SULF1: variants seen among roughly 807,000 people sequenced by gnomAD.
SULF1 encodes the protein sulfatase 1, also known as extracellular sulfatase Sulf-1.
In SULF1, 46 loss-of-function variants were observed where a neutral mutation model predicts 110.5. That is an observed-to-expected ratio of 0.42 (90% CI 0.33 to 0.53). SULF1 has a LOEUF of 0.53. Among genes scored for constraint, SULF1 ranks in the 20% least tolerant of loss-of-function variants. The pLI is 0.12. For synonymous variants in SULF1, 371 were observed against 387.1 expected (o/e 0.96, Z 0.49); for missense variants, 941 against 1,094.2 (o/e 0.86, Z 1.98).
chr8:69,478,366 G>A (rs1053139685), intron 1 of SULF1, among the ~76,000 whole-genome samples: 2 of 151,998 alleles, frequency 1.3e-5, no homozygotes, highest in African/African-American at 4.8e-5. Flanking sequence ...CCAATTTTCT[G>A]CAGCATCCAG....
chr8:69,642,466 C>G, intron 22 of SULF1: 1 of 900,090 alleles, frequency 1.1e-6, no homozygotes, highest in Non-Finnish European at 1.3e-6. Context: ...CTGCCCCACA[C>G]CAACCCTGTG....
At chr8:69,640,436 G>A (rs1050240201) in intron 21 of SULF1, among the ~76,000 whole-genome samples, 1 of 152,176 alleles carries the variant, frequency 6.6e-6, no homozygotes, top group African/African-American at 2.4e-5. Flanking sequence ...ATTCCTATGG[G>A]AGATGATTAT....
intron 21 of SULF1, 109 bp downstream of exon 21, chr8:69,638,967 C>A: frequency 1.8e-6 from 2 of 1,117,644 alleles, no homozygotes; most frequent in Non-Finnish European, 2.5e-6. Flanking sequence ...ATTCAAGATA[C>A]TTAGAGGAGA....
intron 3 of SULF1, among the ~76,000 whole-genome samples, chr8:69,532,669 A>G (rs999891196): frequency 9.2e-5 from 14 of 152,220 alleles, no homozygotes; most frequent in Non-Finnish European, 1.9e-4. Context: ...CATATAATAG[A>G]TTTGTTACTA....
At chr8:69,593,037 A>G (rs4737996) in intron 8 of SULF1, 639,447 of 868,104 alleles carry the variant, frequency 0.74, 236,548 homozygotes, top group South Asian at 0.85. Flanking sequence ...AATTCATGTG[A>G]TTGTTTGAAG....
At chr8:69,536,392 A>G (rs16936031) in intron 3 of SULF1, among the ~76,000 whole-genome samples, 16,122 of 152,216 alleles carry the variant, frequency 0.11, 1,594 homozygotes, top group East Asian at 0.41. Context: ...TTTTGTGTAA[A>G]CTCCATGATC....
At chr8:69,472,249 G>A (rs1434585377) in intron 1 of SULF1, among the ~76,000 whole-genome samples, 1 of 152,194 alleles carries the variant, frequency 6.6e-6, no homozygotes, top group Non-Finnish European at 1.5e-5. Flanking sequence ...AGGGTCATGT[G>A]CTTCCCTTCT....
intron 3 of SULF1, among the ~76,000 whole-genome samples, chr8:69,512,094 A>G (rs891650469): frequency 2.0e-4 from 31 of 152,178 alleles, no homozygotes; most frequent in African/African-American, 7.2e-4. Flanking sequence ...TGTGTTTTAT[A>G]TTTTTGAAAA....
chr8:69,624,228 G>A (rs1277224557), intron 15 of SULF1, 31 bp downstream of exon 15: 1 of 1,536,066 alleles, frequency 6.5e-7, no homozygotes, highest in African/African-American at 1.4e-5. Context: ...CACTAGGGTT[G>A]AGTTCAGAAT....
At chr8:69,617,160 A>G (rs190574929) in intron 13 of SULF1, among the ~76,000 whole-genome samples, 8 of 151,812 alleles carry the variant, frequency 5.3e-5, no homozygotes, top group African/African-American at 1.9e-4. Flanking sequence ...AATTCTATAT[A>G]GCATATAGTT....
At chr8:69,587,991 CTGATA>C (rs1806593640) in intron 7 of SULF1, among the ~76,000 whole-genome samples, 1 of 152,218 alleles carries the variant, frequency 6.6e-6, no homozygotes, top group Non-Finnish European at 1.5e-5. Context: ...CACCATCCCT[CTGATA>C]CTGCTTTTGC....
intron 3 of SULF1, among the ~76,000 whole-genome samples, chr8:69,534,395 C>T (rs1813299003): frequency 6.6e-6 from 1 of 152,158 alleles, no homozygotes; most frequent in Non-Finnish European, 1.5e-5. Flanking sequence ...TTAGTATTAA[C>T]TCCGTCTTTA....
chr8:69,483,833 A>T lies in SULF1; in HGVS notation c.-390-11932A>T, dbSNP rs911060884. 3.3e-5 allele frequency among the ~76,000 whole-genome samples: 5 copies of T among 152,326 alleles called. No homozygotes were observed. In the South Asian group the frequency reaches 6.2e-4, roughly 19 times the overall value. On this transcript the variant is annotated intron_variant, in intron 1 of 22. Transcript: ENST00000260128. ...AAACATTCTCTTAAAGAACAAAACAAAATGACTGAGAAAGATGTCTGTTTT... is the reference window on the plus strand; with the variant it reads ...AAACATTCTCTTAAAGAACAAAACATAATGACTGAGAAAGATGTCTGTTTT...
chr8:69,532,680 A>G (rs1010276208), intron 3 of SULF1, among the ~76,000 whole-genome samples: 1 of 152,214 alleles, frequency 6.6e-6, no homozygotes, highest in Non-Finnish European at 1.5e-5. Context: ...TTTGTTACTA[A>G]TTAGAATCAG....
chr8:69,498,258 G>C lies in SULF1; in HGVS notation c.-229+2332G>C, dbSNP rs531910058. On this transcript the variant is annotated intron_variant, in intron 2 of 22. Coordinates refer to ENST00000402687, the MANE Select transcript of SULF1 (RefSeq NM_001128205.2). ...GCAATGATCCACAGCTAGGCCACTG[G>C]CTTCCTGGTCCTTTCAAGTTTGTGT... Among the ~76,000 whole-genome samples the C allele has an allele frequency of 2.6e-5, 4 of 152,238 alleles. No individual in the cohort carries two copies. The South Asian group carries it at 8.3e-4, about 32-fold the overall frequency.
intron 3 of SULF1, among the ~76,000 whole-genome samples, chr8:69,513,308 ACTCC>A (rs1243820125): frequency 1.3e-5 from 2 of 152,150 alleles, no homozygotes; most frequent in East Asian, 3.9e-4. Flanking sequence ...TATCTAAAAG[ACTCC>A]TGTGGAAATA....
intron 22 of SULF1, among the ~76,000 whole-genome samples, chr8:69,656,726 T>C (rs1812763686): frequency 6.6e-6 from 1 of 152,236 alleles, no homozygotes; most frequent in Non-Finnish European, 1.5e-5. Flanking sequence ...CTATCATTGA[T>C]GGGCATTTGG....
At chr8:69,521,819 G>A (rs1376432639) in intron 3 of SULF1, among the ~76,000 whole-genome samples, 2 of 150,766 alleles carry the variant, frequency 1.3e-5, no homozygotes, top group Non-Finnish European at 2.9e-5. Flanking sequence ...CATGTTGTGG[G>A]TAGATGATAG....
At chr8:69,574,522 ATTCACATTG>A (rs1364882654) in intron 5 of SULF1, among the ~76,000 whole-genome samples, 18 of 152,290 alleles carry the variant, frequency 1.2e-4, no homozygotes, top group Middle Eastern at 3.4e-3. Context: ...CTACTGCTGT[ATTCACATTG>A]TTACGTGTGC....
Sources: gnomAD v4.1 joint callset for allele counts (sites outside exome capture counted in the v4.1 genomes callset) on GRCh38, gnomAD v4.1.1 for gene constraint, MANE v1.5 for transcripts, NCBI Gene and HGNC (gene_info 2026-07-23, HGNC 2026-07-21) for gene names.